Variants in RGS3 observed in about 807,000 individuals in gnomAD.
RGS3 encodes the protein regulator of G protein signaling 3.
RGS3 carries 80 observed loss-of-function variants against 132.6 expected under a neutral mutation model. The observed-to-expected ratio is 0.60, with a 90% CI of 0.50 to 0.73. The LOEUF is 0.73. RGS3 is among the 30% of genes least tolerant of loss of function. The probability of loss-of-function intolerance (pLI) is 0.00; values close to 1 mark genes in which losing one functional copy is unlikely to be tolerated. For missense variants in RGS3, 1,382 were observed against 1,530.8 expected, an observed-to-expected ratio of 0.90 and a Z score of 1.62; for synonymous variants, 598 against 620.6, an observed-to-expected ratio of 0.96 and a Z score of 0.54.
intron 9 of RGS3, 110 bp downstream of exon 7, chr9:113,497,514 A>G (rs1481852355): frequency 4.5e-6 from 4 of 892,380 alleles, no homozygotes; most frequent in Non-Finnish European, 6.9e-6. Flanking sequence ...TGAGAATGCT[A>G]TCAGCCTGCT....
Position 113,463,025 on chromosome 9 carries a change from C to A in RGS3, c.415+824C>A, listed in dbSNP as rs923590006. ...GGGTTTGACCTTCCAGCTCTGCCTC[C>A]CCGCACCAGGCTGGGGGATTCACCC... On this transcript the variant is annotated intron_variant, in intron 3 of 24. Coordinates refer to ENST00000350696, the Ensembl canonical transcript of RGS3. The surrounding 1 kb of genome is among the most constrained non-coding windows in gnomAD (Gnocchi z 4.6). 6.6e-6 allele frequency among the ~76,000 whole-genome samples: 1 copy of A among 152,190 alleles called. No homozygotes were observed. Among genetic ancestry groups the A allele is most frequent in the Non-Finnish European group, 1.5e-5 (1 of 68,034 alleles).
intron 11 of RGS3, 57 bp downstream of exon 9, chr9:113,505,580 G>C: frequency 1.4e-6 from 2 of 1,400,474 alleles, no homozygotes; most frequent in Non-Finnish European, 2.0e-6. Flanking sequence ...TGTGGGCTTT[G>C]CAAACATAGT....
intron 7 of RGS3, among the ~76,000 whole-genome samples, chr9:113,492,484 T>C (rs1830551234): frequency 6.6e-6 from 1 of 152,224 alleles, no homozygotes; most frequent in African/African-American, 2.4e-5. Context: ...TGGATGTTTG[T>C]GTTGTTTCCT....
intron 3 of RGS3, among the ~76,000 whole-genome samples, chr9:113,467,571 G>T (rs1370274995): frequency 6.6e-6 from 1 of 151,970 alleles, no homozygotes; most frequent in Admixed American, 6.6e-5. Context: ...TTAAAATTGG[G>T]CTTTTTGTCT....
rs111744554 is a variant in RGS3 at position 113,514,901 on chromosome 9, C to A, written c.1674+247C>A. Reference sequence around the variant, plus strand: ...GGAAAGGGTCCTCTCCTTCCCCCACCTCGCCTCCCCTTTCTCTGGGGAAAG... The same window carrying A: ...GGAAAGGGTCCTCTCCTTCCCCCACATCGCCTCCCCTTTCTCTGGGGAAAG... On this transcript the variant is annotated intron_variant, in intron 15 of 24. Coordinates refer to ENST00000350696, the Ensembl canonical transcript of RGS3. Among the ~76,000 whole-genome samples, 1,026 of 152,270 alleles carry A rather than the reference C, an allele frequency of 6.7e-3. 2 individuals carry two copies. The highest frequency in any genetic ancestry group is 0.011 in the Non-Finnish European group (718 of 68,008).
At chr9:113,550,816 G>C (rs1833311511) in intron 19 of RGS3, among the ~76,000 whole-genome samples, 1 of 151,854 alleles carries the variant, frequency 6.6e-6, no homozygotes, top group Non-Finnish European at 1.5e-5. Flanking sequence ...TTTTCTATTG[G>C]GATTTTTATA....
chr9:113,497,773 G>A (rs543661768), intron 9 of RGS3, among the ~76,000 whole-genome samples: 2 of 152,268 alleles, frequency 1.3e-5, no homozygotes, highest in East Asian at 3.9e-4. Flanking sequence ...AGGGCGTTTA[G>A]GTCCTGCCAT....
chr9:113,565,099 C>G lies in RGS3; in HGVS notation c.2038-18351C>G. The G allele has an allele frequency of 2.6e-6, 3 of 1,161,716 alleles. No individual in the cohort carries two copies. Among genetic ancestry groups the G allele is most frequent in the Admixed American group, 3.9e-5 (1 of 25,772 alleles). 72.0% of individuals were successfully genotyped at this position (1,161,716 alleles called of 1,614,324 possible). On this transcript the variant is annotated intron_variant, in intron 19 of 24. Transcript: ENST00000350696. The surrounding 1 kb of genome is among the most constrained non-coding windows in gnomAD (Gnocchi z 5.7). ...TTGTGAGGGATGGACGCCTCTCCCC[C>G]GGAGCAGCACTTTGGGGCCAGCTTG...
intron 19 of RGS3, among the ~76,000 whole-genome samples, chr9:113,566,607 G>A (rs1834022298): frequency 6.6e-6 from 1 of 152,192 alleles, no homozygotes; most frequent in Admixed American, 6.5e-5. Flanking sequence ...GCAAGAACAG[G>A]ACATGTGGGA....
rs773119159 is a variant in RGS3 at position 113,529,212 on chromosome 9, C to T, written c.1871-9C>T. On this transcript the variant is annotated splice_polypyrimidine_tract_variant and intron_variant, in intron 17 of 24. Coordinates refer to ENST00000350696, the Ensembl canonical transcript of RGS3. ...TCTAATGCAAATCTTACTTTTTGTT[C>T]CCTCAAAGGTTCTTCAGAAGACCTG... 1 of 1,610,332 alleles carries T rather than the reference C, an allele frequency of 6.2e-7. No individual in the cohort carries two copies. The highest frequency in any genetic ancestry group is 1.7e-5 in the Admixed American group (1 of 60,026).
At chr9:113,547,609 A>G (rs764547486) in intron 19 of RGS3, among the ~76,000 whole-genome samples, 1 of 152,234 alleles carries the variant, frequency 6.6e-6, no homozygotes, top group Non-Finnish European at 1.5e-5. Flanking sequence ...AACCGCAATT[A>G]CTTTGGCACC....
chr9:113,494,867 T>C (rs1830633717), intron 7 of RGS3, among the ~76,000 whole-genome samples: 1 of 148,204 alleles, frequency 6.7e-6, no homozygotes, highest in African/African-American at 2.7e-5. Flanking sequence ...TCTGAATTCT[T>C]CTTCTTCTTC....
intron 1 of RGS3, among the ~76,000 whole-genome samples, chr9:113,446,665 G>A (rs1225742930): frequency 6.6e-6 from 1 of 152,148 alleles, no homozygotes; most frequent in Non-Finnish European, 1.5e-5. Context: ...TTGTTTTCAT[G>A]GTTACAACCT....
intron 7 of RGS3, among the ~76,000 whole-genome samples, chr9:113,492,779 A>T (rs928315295): frequency 3.9e-5 from 6 of 152,240 alleles, no homozygotes; most frequent in African/African-American, 1.4e-4. Flanking sequence ...GGCATAAGAA[A>T]TAGCTAATTG....
In RGS3 at chr9:113,565,787, G is replaced by A. The variant is rs918861488; in HGVS notation, c.2038-17663G>A. The A allele has an allele frequency of 2.5e-5, 5 of 198,876 alleles. No homozygotes were observed. The highest frequency in any genetic ancestry group is 2.1e-3 in the Middle Eastern group (1 of 472). 12.3% of individuals were successfully genotyped at this position (198,876 alleles called of 1,614,324 possible). On this transcript the variant is annotated intron_variant, in intron 19 of 24. Transcript: ENST00000350696. The surrounding 1 kb of genome is among the most constrained non-coding windows in gnomAD (Gnocchi z 5.7). The stretch of plus-strand genomic sequence containing the variant: ...GGTGGGCGGGCATCCAAGCCACCCT[G>A]TGCCCCTGTTTCTATTGTTTCTTCC...
chr9:113,518,076 G>A (rs950604286), intron 16 of RGS3, among the ~76,000 whole-genome samples: 1 of 152,198 alleles, frequency 6.6e-6, no homozygotes, highest in Non-Finnish European at 1.5e-5. Context: ...TTTCGCCTGG[G>A]TTGTAGCTCT....
At chr9:113,552,369 T>A in intron 19 of RGS3, among the ~76,000 whole-genome samples, 1 of 152,244 alleles carries the variant, frequency 6.6e-6, no homozygotes, top group Non-Finnish European at 1.5e-5. Flanking sequence ...CAGGCTGGAG[T>A]GCAGTGGAGT....
At chr9:113,491,292 G>C (rs1830514497) in intron 7 of RGS3, among the ~76,000 whole-genome samples, 1 of 148,482 alleles carries the variant, frequency 6.7e-6, no homozygotes, top group Non-Finnish European at 1.5e-5. Flanking sequence ...TTTTTTTTGA[G>C]ATGGAGTTTC....
intron 19 of RGS3, among the ~76,000 whole-genome samples, chr9:113,553,459 A>AAAT (rs1426114805): frequency 1.7e-5 from 1 of 58,706 alleles, no homozygotes; most frequent in Non-Finnish European, 3.0e-5. Flanking sequence ...AAAAAAAAAA[A>AAAT]ATATATATAT....
Sources: gnomAD v4.1 joint callset for allele counts (sites outside exome capture counted in the v4.1 genomes callset) on GRCh38, gnomAD v4.1.1 for gene constraint, Gnocchi (gnomAD v3.1) non-coding constraint, MANE v1.5 for transcripts, NCBI Gene and HGNC (gene_info 2026-07-23, HGNC 2026-07-21) for gene names.